ACSM5: variants seen among roughly 807,000 people sequenced by gnomAD.
ACSM5 encodes the protein acyl-coenzyme A synthetase ACSM5, mitochondrial.
A neutral mutation model predicts 71.6 loss-of-function variants in ACSM5; 56 were observed. The observed-to-expected ratio is 0.78, with a 90% confidence interval of 0.63 to 0.98. The LOEUF is 0.98. Ranked by LOEUF, ACSM5 falls within the 50% of genes least tolerant of loss-of-function variation. The pLI, the probability that ACSM5 is intolerant of heterozygous loss-of-function variation, is 0.00. For synonymous variants in ACSM5, 285 were observed against 281.5 expected, an observed-to-expected ratio of 1.01 and a Z score of -0.12; for missense variants, 723 against 726.0, an observed-to-expected ratio of 1.00 and a Z score of 0.05.
At position 20,411,928 on chromosome 16, in the gene ACSM5, C is replaced by T. The variant is rs1183362757; in HGVS notation, c.204+240C>T. 7.5e-6 allele frequency: 4 copies of T among 532,672 alleles called. No homozygotes were observed. In the East Asian group the frequency reaches 1.0e-4, roughly 13 times the overall value. The allele number at this position is 532,672 out of a possible 1,614,324, so 33.0% of individuals were successfully genotyped here. On this transcript the variant is annotated intron_variant, in intron 2 of 13. Transcript: ENST00000331849. ...CCTGCATTCTTGAGCCCAAATCACA[C>T]AGTGAGACAGTTATGTCCCTTCCGA...
At chr16:20,421,706 TA>T (rs1966886787) in intron 5 of ACSM5, among the ~76,000 whole-genome samples, 1 of 149,660 alleles carries the variant, frequency 6.7e-6, no homozygotes, top group Non-Finnish European at 1.5e-5. Flanking sequence ...TATATATACA[TA>T]TATCATAAAT....
chr16:20,417,676 CA>C (rs1302840494), intron 2 of ACSM5, among the ~76,000 whole-genome samples: 1 of 152,048 alleles, frequency 6.6e-6, no homozygotes, highest in Non-Finnish European at 1.5e-5. Context: ...GTGAGTTGTG[CA>C]CTTTAAAATG....
At chr16:20,420,973 T>C (rs1431823062) in intron 4 of ACSM5, 1 of 219,998 alleles carries the variant, frequency 4.5e-6, no homozygotes, top group African/African-American at 2.3e-5. Context: ...GACATGGACA[T>C]GTGTGTGTTC....
chr16:20,434,310 C>T (rs1786391712), intron 10 of ACSM5, among the ~76,000 whole-genome samples: 1 of 152,072 alleles, frequency 6.6e-6, no homozygotes, highest in African/African-American at 2.4e-5. Context: ...AGATAGGGGT[C>T]TATTTTATTT....
chr16:20,422,757 G>A lies in ACSM5; in HGVS notation c.768-1159G>A, dbSNP rs114798025. On this transcript the variant is annotated intron_variant, in intron 5 of 13. Coordinates refer to ENST00000331849, the MANE Select transcript of ACSM5 (RefSeq NM_017888.3). ...AAGAGGCAAGCATGGTAGCTTGCCC[G>A]GGGAGCAGTAGTGGGAGAAGAGATG... 5.0e-3 allele frequency among the ~76,000 whole-genome samples: 759 copies of A among 152,246 alleles called. 4 individuals carry two copies. The highest frequency in any genetic ancestry group is 0.017 in the African/African-American group (721 of 41,542).
At chr16:20,431,188 C>T (rs35468793) in intron 9 of ACSM5, 32 bp from the exon 10 acceptor site, 138,151 of 1,600,316 alleles carry the variant, frequency 0.086, 7,189 homozygotes, top group East Asian at 0.22. Context: ...TAGACACTCA[C>T]GTATGCACCT....
chr16:20,427,778 T>A lies in ACSM5; in HGVS notation c.922-10T>A, dbSNP rs376883657. 7 of 1,603,400 alleles carry A rather than the reference T, an allele frequency of 4.4e-6. No individual in the cohort carries two copies. Among genetic ancestry groups the A allele is most frequent in the Non-Finnish European group, 6.0e-6 (7 of 1,170,380 alleles). On this transcript the variant is annotated splice_polypyrimidine_tract_variant and intron_variant, in intron 6 of 13. Coordinates refer to ENST00000331849, the MANE Select transcript of ACSM5 (RefSeq NM_017888.3). ...TCTAAGGACATCTTTCACCCTTTGT[T>A]TTTGTTTAGACTCTCTCCAAATTCC...
At chr16:20,422,205 A>T (rs1596615840) in intron 5 of ACSM5, among the ~76,000 whole-genome samples, 1 of 152,062 alleles carries the variant, frequency 6.6e-6, no homozygotes, top group Non-Finnish European at 1.5e-5. Context: ...TCTGCCTTCC[A>T]GTTTCAAGCA....
intron 6 of ACSM5, among the ~76,000 whole-genome samples, chr16:20,425,422 C>A (rs1437689554): frequency 6.6e-6 from 1 of 151,928 alleles, no homozygotes; most frequent in East Asian, 1.9e-4. Flanking sequence ...ATAGTAGATT[C>A]TTTTTTTAAA....
Position 20,437,067 on chromosome 16 carries a change from A to T in ACSM5, c.1324A>T (p.Thr442Ser). ...FNCYLDNPEK[T>S]AASEQGDFYI... ...TGTCTTTCAGGACAATCCTGAGAAG[A>T]CAGCTGCATCAGAACAAGGGGACTT... The change falls in exon 11 of 14, where the codon ACA (threonine) becomes TCA (serine). Residue 442 changes from threonine (T) to serine (S), a missense_variant. Transcript: ENST00000331849. 2 of 1,614,146 alleles carry T rather than the reference A, an allele frequency of 1.2e-6. No homozygotes were observed. Among genetic ancestry groups the T allele is most frequent in the Non-Finnish European group, 1.7e-6 (2 of 1,180,030 alleles).
intron 5 of ACSM5, among the ~76,000 whole-genome samples, chr16:20,421,904 C>A (rs1008332289): frequency 1.3e-5 from 2 of 151,482 alleles, no homozygotes; most frequent in Non-Finnish European, 2.9e-5. Context: ...TTTTACTTTT[C>A]ATCTCTGTGA....
intron 6 of ACSM5, 110 bp downstream of exon 6, chr16:20,424,179 T>C: frequency 2.2e-6 from 3 of 1,383,708 alleles, no homozygotes; most frequent in Non-Finnish European, 2.9e-6. Flanking sequence ...ATTTAAGGCT[T>C]CTTTGGTGTG....
chr16:20,426,014 C>A (rs1001766185), intron 6 of ACSM5, among the ~76,000 whole-genome samples: 1 of 152,154 alleles, frequency 6.6e-6, no homozygotes, highest in African/African-American at 2.4e-5. Context: ...ACACTGTTTT[C>A]CACAGTGGTT....
intron 5 of ACSM5, among the ~76,000 whole-genome samples, chr16:20,423,476 C>G (rs149113334): frequency 1.1e-3 from 160 of 152,328 alleles, no homozygotes; most frequent in Non-Finnish European, 2.0e-3. Context: ...GGTGCCTATT[C>G]TCTATAATTG....
chr16:20,414,860 A>C (rs1436402058), intron 2 of ACSM5, among the ~76,000 whole-genome samples: 1 of 152,210 alleles, frequency 6.6e-6, no homozygotes, highest in Non-Finnish European at 1.5e-5. Flanking sequence ...GACAGATGAG[A>C]CTGTATTGTT....
At chr16:20,422,017 C>T (rs1459595148) in intron 5 of ACSM5, among the ~76,000 whole-genome samples, 4 of 152,130 alleles carry the variant, frequency 2.6e-5, no homozygotes, top group African/African-American at 7.2e-5. Context: ...AAGGTTCATC[C>T]GTGTCATAGC....
At position 20,423,960 on chromosome 16, in the gene ACSM5, C is replaced by T; in HGVS notation, c.812C>T (p.Thr271Ile). Reference protein sequence around the residue: ...LTESDIFWNTTDTGWVKAAWT... With the variant: ...LTESDIFWNTIDTGWVKAAWT... ...GAATCTGACATCTTCTGGAACACGA[C>T]TGACACTGGCTGGGTGAAGGCAGCC... The change falls in exon 6 of 14, where the codon ACT (threonine) becomes ATT (isoleucine). Residue 271 changes from threonine to isoleucine, a missense_variant. Thr to Ile is a moderately conservative substitution (Grantham distance 89). Transcript: ENST00000331849. 2 of 1,614,200 alleles carry T rather than the reference C, an allele frequency of 1.2e-6. No homozygotes were observed. The highest frequency in any genetic ancestry group is 1.7e-6 in the Non-Finnish European group (2 of 1,180,028).
chr16:20,414,862 T>C (rs1966853669), intron 2 of ACSM5, among the ~76,000 whole-genome samples: 1 of 152,222 alleles, frequency 6.6e-6, no homozygotes, highest in Admixed American at 6.5e-5. Flanking sequence ...CAGATGAGAC[T>C]GTATTGTTTT....
chr16:20,418,134 G>T lies in ACSM5; in HGVS notation c.280G>T (p.Glu94Ter). Residue 94 changes from glutamate (E) to a stop codon, truncating the protein, a stop_gained, in exon 3 of 14, where the codon GAG (glutamate) becomes TAG (stop). Transcript: ENST00000331849. LOFTEE classifies it high-confidence loss of function. ...AGCAGAGATCAAGTGGAGCTTTGAG[G>T]AGCTGGGGAAGCAGTCCAGGAAGGC... ...TGAEIKWSFE[E>*]LGKQSRKAAN... 6.2e-7 allele frequency: 1 copy of T among 1,613,850 alleles called. No individual in the cohort carries two copies. Among genetic ancestry groups the T allele is most frequent in the Non-Finnish European group, 8.5e-7 (1 of 1,179,964 alleles).
Sources: allele counts gnomAD v4.1 joint callset (sites outside exome capture counted in the v4.1 genomes callset), GRCh38; gene constraint gnomAD v4.1.1; transcripts MANE v1.5; gene names NCBI Gene and HGNC (gene_info 2026-07-23, HGNC 2026-07-21).